Variants in IFT52 observed in about 807,000 individuals in gnomAD.
IFT52 encodes intraflagellar transport 52, also known as intraflagellar transport protein 52 homolog.
IFT52 carries 44 observed loss-of-function variants against 54.4 expected under a neutral mutation model. The observed-to-expected ratio is 0.81, with a 90% CI of 0.63 to 1.04. The LOEUF (loss-of-function observed/expected upper bound fraction) is 1.04. Among genes scored for constraint, IFT52 ranks in the 50% least tolerant of loss-of-function variants. The pLI, the probability that IFT52 is intolerant of heterozygous loss-of-function variation, is 0.00. For missense variants in IFT52, 452 were observed against 523.6 expected (o/e 0.86, Z 1.33); for synonymous variants, 181 against 185.3 (o/e 0.98, Z 0.19).
At chr20:43,624,203 A>C in intron 10 of IFT52, 158 bp downstream of exon 10, 1 of 800,956 alleles carries the variant, frequency 1.2e-6, no homozygotes, top group Non-Finnish European at 2.0e-6. Flanking sequence ...TGGGCTGGGC[A>C]TGAGGGGTTG....
rs748090019 is a variant in IFT52 at position 43,605,012 on chromosome 20, C to T, written c.424C>T (p.Arg142Ter). The T allele has an allele frequency of 5.6e-6, 9 of 1,613,206 alleles. No individual in the cohort carries two copies. The South Asian group carries it at 6.6e-5, about 12-fold the overall frequency. Residue 142 changes from arginine (R) to a stop codon, truncating the protein, a stop_gained, in exon 6 of 14, where the codon CGA becomes TGA. Transcript: ENST00000373030. LOFTEE classifies it high-confidence loss of function. ...TTTTTCTTCTTCAAGGGAAATTAGC[C>T]GAGCTGCAGGAAAGGCTGTGCCTGG... ...SSGVLNREIS[R>*]AAGKAVPGII...
chr20:43,626,490 C>T (rs1301358501), intron 10 of IFT52, among the ~76,000 whole-genome samples: 2 of 152,062 alleles, frequency 1.3e-5, no homozygotes, highest in Non-Finnish European at 2.9e-5. Context: ...AGGTGATCCA[C>T]CTACCTCGGC....
intron 7 of IFT52, among the ~76,000 whole-genome samples, chr20:43,614,531 CTT>C (rs111989807): frequency 7.0e-4 from 103 of 146,928 alleles, no homozygotes; most frequent in Admixed American, 2.7e-3. Context: ...TTTAAAATAA[CTT>C]TTTTTTTTTT....
In IFT52 at chr20:43,595,158, T is replaced by TA. The variant is rs201812874; in HGVS notation, c.119+351dup. ...GTGAAACCCCATCGCTACTAAAAAT[T>TA]AAAAAAAAAATTAGCGAAGTGTGGT... On this transcript the variant is annotated intron_variant, in intron 2 of 13. Transcript: ENST00000373030. Among the ~76,000 whole-genome samples the TA allele has an allele frequency of 3.5e-4, 52 of 147,952 alleles. No individual in the cohort carries two copies. In the East Asian group the frequency reaches 3.5e-3, roughly 10 times the overall value.
chr20:43,636,776 T>C (rs1985565156), intron 11 of IFT52, among the ~76,000 whole-genome samples: 1 of 152,200 alleles, frequency 6.6e-6, no homozygotes, highest in East Asian at 1.9e-4. Flanking sequence ...AGCCCCAAGC[T>C]TTGTGTCATC....
At chr20:43,642,269 G>T in intron 12 of IFT52, 1 of 516,524 alleles carries the variant, frequency 1.9e-6, no homozygotes, top group Admixed American at 3.5e-5. Flanking sequence ...GTTTTATTCT[G>T]ATTAGGAGTG....
rs897056490 is a variant in IFT52, at chr20:43,623,554, C to T, written c.769-337C>T. 2.6e-5 allele frequency among the ~76,000 whole-genome samples: 4 copies of T among 152,100 alleles called. No individual in the cohort carries two copies. The East Asian group carries it at 5.8e-4, about 22-fold the overall frequency. ...GAAGAATGGGAAAGTGAGTAGACTACGGAGATGTAGTTGATTGCTGAGCGC... is the reference window on the plus strand; with the variant it reads ...GAAGAATGGGAAAGTGAGTAGACTATGGAGATGTAGTTGATTGCTGAGCGC... On this transcript the variant is annotated intron_variant, in intron 9 of 13. Coordinates refer to ENST00000373030, the MANE Select transcript of IFT52 (RefSeq NM_016004.5).
At chr20:43,603,112 C>CA (rs1451289004) in intron 3 of IFT52, among the ~76,000 whole-genome samples, 1 of 152,118 alleles carries the variant, frequency 6.6e-6, no homozygotes. Flanking sequence ...CTGGACCACC[C>CA]ACCCCAGATT....
Position 43,647,110 on chromosome 20 carries a change from T to C in IFT52, c.*127T>C, listed in dbSNP as rs755590169. 6 of 792,792 alleles carry C rather than the reference T, an allele frequency of 7.6e-6. No individual in the cohort carries two copies. Among genetic ancestry groups the C allele is most frequent in the Non-Finnish European group, 1.1e-5 (5 of 458,220 alleles). The allele number at this position is 792,792 out of a possible 1,614,324, so 49.1% of individuals were successfully genotyped here. ...TCCTCCATGAGCTCTGGAAGGTATATGCATCTTCTGTAATACTCAGATAGG... is the reference window on the plus strand; with the variant it reads ...TCCTCCATGAGCTCTGGAAGGTATACGCATCTTCTGTAATACTCAGATAGG... On this transcript the variant is annotated 3_prime_UTR_variant, in exon 14 of 14. Coordinates refer to ENST00000373030, the MANE Select transcript of IFT52 (RefSeq NM_016004.5).
chr20:43,605,833 T>C (rs897570388), intron 6 of IFT52, among the ~76,000 whole-genome samples: 1 of 152,228 alleles, frequency 6.6e-6, no homozygotes, highest in Non-Finnish European at 1.5e-5. Context: ...ATTGCCCAAA[T>C]GCACATGACT....
chr20:43,647,201 G>T lies in IFT52; in HGVS notation c.*218G>T. 3 of 564,456 alleles carry T rather than the reference G, an allele frequency of 5.3e-6. No homozygotes were observed. Among genetic ancestry groups the T allele is most frequent in the African/African-American group, 3.8e-5 (2 of 53,186 alleles). 35.0% of individuals were successfully genotyped at this position (564,456 alleles called of 1,614,324 possible). A position where few individuals can be genotyped will look rare whatever the true frequency, so the allele number is the denominator to read the frequency against. On this transcript the variant is annotated 3_prime_UTR_variant, in exon 14 of 14. Coordinates refer to ENST00000373030, the MANE Select transcript of IFT52 (RefSeq NM_016004.5). ...ATTTTTAAAAATTAAATGTATGGTT[G>T]CATCTGTCTTTTTATACCCTATGAA... is the stretch of plus-strand genomic sequence containing the variant.
At position 43,636,000 on chromosome 20, in the gene IFT52, C is replaced by T. The variant is rs746931370; in HGVS notation, c.998C>T (p.Thr333Ile). The part of the protein sequence containing the change: ...IQPQFETPLP[T>I]LQPAVFPPSF... ...CCTCAGTTTGAGACGCCGCTGCCAACCCTTCAGCCTGCGGTGAGTAGGTGT... is the reference window on the plus strand; with the variant it reads ...CCTCAGTTTGAGACGCCGCTGCCAATCCTTCAGCCTGCGGTGAGTAGGTGT... Residue 333 changes from threonine (T) to isoleucine (I), a missense_variant, in exon 11 of 14, where the codon ACC becomes ATC. Coordinates refer to ENST00000373030, the MANE Select transcript of IFT52 (RefSeq NM_016004.5). 1.2e-6 allele frequency: 2 copies of T among 1,614,094 alleles called. No individual in the cohort carries two copies. Among genetic ancestry groups the T allele is most frequent in the African/African-American group, 2.7e-5 (2 of 74,952 alleles).
rs190910386 is a variant in IFT52, at chr20:43,645,039, G to A, written c.1267-1897G>A. Reference sequence around the variant, plus strand: ...AGAGATTCGCTTGAACCTGGGAGGCGGAGGTTGCAGTGAGCCAAGATTGCA... The same window carrying A: ...AGAGATTCGCTTGAACCTGGGAGGCAGAGGTTGCAGTGAGCCAAGATTGCA... On this transcript the variant is annotated intron_variant, in intron 13 of 13. Transcript: ENST00000373030. 3.0e-4 allele frequency among the ~76,000 whole-genome samples: 16 copies of A among 54,100 alleles called. 7 individuals are homozygous for A. The highest frequency in any genetic ancestry group is 7.5e-4 in the African/African-American group (14 of 18,590). 35.5% of individuals were successfully genotyped at this position (54,100 alleles called of 152,430 possible).
intron 12 of IFT52, among the ~76,000 whole-genome samples, chr20:43,639,258 C>T (rs955938035): frequency 2.0e-5 from 3 of 151,000 alleles, no homozygotes; most frequent in African/African-American, 7.3e-5. Flanking sequence ...AAAAAATTGC[C>T]TGAGCACGGT....
At chr20:43,595,898 A>T (rs370822466) in intron 2 of IFT52, among the ~76,000 whole-genome samples, 10 of 150,688 alleles carry the variant, frequency 6.6e-5, no homozygotes, top group African/African-American at 2.2e-4. Flanking sequence ...AACAAAAATT[A>T]AAAAAAAAAT....
intron 10 of IFT52, among the ~76,000 whole-genome samples, chr20:43,635,520 C>T (rs528368790): frequency 6.6e-6 from 1 of 152,272 alleles, no homozygotes; most frequent in East Asian, 1.9e-4. Context: ...TGGTTTCGAA[C>T]TCTTGACCTC....
chr20:43,608,643 C>G (rs1983167740), intron 6 of IFT52, among the ~76,000 whole-genome samples: 1 of 152,042 alleles, frequency 6.6e-6, no homozygotes, highest in African/African-American at 2.4e-5. Flanking sequence ...CGTGGCTCAC[C>G]CCTATAATCC....
intron 6 of IFT52, among the ~76,000 whole-genome samples, chr20:43,611,344 T>G (rs1244692536): frequency 6.6e-6 from 1 of 151,868 alleles, no homozygotes; most frequent in African/African-American, 2.4e-5. Flanking sequence ...TTTCTGAAAC[T>G]TTTCACTGAG....
intron 9 of IFT52, among the ~76,000 whole-genome samples, chr20:43,622,983 G>A (rs754438448): frequency 7.2e-5 from 11 of 151,986 alleles, no homozygotes; most frequent in Non-Finnish European, 1.6e-4. Flanking sequence ...GAAGGACTGG[G>A]ATCTAGTGTA....
Sources: allele counts gnomAD v4.1 joint callset (sites outside exome capture counted in the v4.1 genomes callset), GRCh38; gene constraint gnomAD v4.1.1; transcripts MANE v1.5; gene names NCBI Gene and HGNC (gene_info 2026-07-23, HGNC 2026-07-21).